The following FGF22 variants were observed in gnomAD, a reference collection of about 807,000 sequenced individuals.
The protein encoded by FGF22 is fibroblast growth factor 22, also known as FGF-22.
In FGF22, 11 loss-of-function variants were observed where a neutral mutation model predicts 10.3. That is an observed-to-expected ratio of 1.07 (90% confidence interval 0.67 to 1.77). The LOEUF (loss-of-function observed/expected upper bound fraction) is 1.77, where lower values mean the gene tolerates loss of function less well. Among genes scored for constraint, FGF22 ranks in the 40% most tolerant of loss-of-function variants. The pLI, the probability that FGF22 is intolerant of heterozygous loss-of-function variation, is 0.00. For missense variants in FGF22, 317 were observed against 273.2 expected, an observed-to-expected ratio of 1.16 and a Z score of -1.13; for synonymous variants, 136 against 122.1, an observed-to-expected ratio of 1.11 and a Z score of -0.75.
At chr19:640,055 C>T in exon 1 of FGF22, 3 of 1,416,402 alleles carry the variant, frequency 2.1e-6, no homozygotes, top group South Asian at 1.4e-5. Flanking sequence ...GCGCTGGCGG[C>T]GCCTCTTCTC....
At chr19:642,665 G>A in intron 1 of FGF22, among the ~76,000 whole-genome samples, 1 of 142,626 alleles carries the variant, frequency 7.0e-6, no homozygotes, top group African/African-American at 2.6e-5. Context: ...TGAGCTGTGA[G>A]GGCCGGGCTG....
intron 1 of FGF22, 183 bp downstream of exon 1, chr19:640,322 A>C: frequency 2.5e-6 from 1 of 401,724 alleles, no homozygotes; most frequent in Non-Finnish European, 4.3e-6. Flanking sequence ...TGCACTGTTA[A>C]AGCGAAGGCT....
chr19:641,962 C>G (rs1985915702), intron 1 of FGF22, among the ~76,000 whole-genome samples: 1 of 152,116 alleles, frequency 6.6e-6, no homozygotes, highest in South Asian at 2.1e-4. Context: ...CAGGGCTCAC[C>G]CAGGGCTACC....
chr19:640,248 T>C lies in FGF22; in HGVS notation c.214+109T>C, dbSNP rs549818693. The C allele has an allele frequency of 3.2e-5, 22 of 686,556 alleles. No homozygotes were observed. The South Asian group carries it at 1.1e-3, about 35-fold the overall frequency. 42.5% of individuals were successfully genotyped at this position (686,556 alleles called of 1,614,324 possible). A position where few individuals can be genotyped will look rare whatever the true frequency, so the allele number is the denominator to read the frequency against. On this transcript the variant is annotated intron_variant, in intron 1 of 2. Transcript: ENST00000215530. ...CGCGGGGGAGTCCCGGAGGCTCCTC[T>C]GTGCAGCCTCGGCCTCAGTTTCCGT...
At chr19:642,644 C>CCATA (rs2144744024) in intron 1 of FGF22, among the ~76,000 whole-genome samples, 1 of 95,408 alleles carries the variant, frequency 1.0e-5, no homozygotes, top group East Asian at 3.2e-4. Context: ...TGGGGGGTCT[C>CCATA]TGGGGTGGTG....
chr19:642,230 C>CT (rs1568184125), intron 1 of FGF22, among the ~76,000 whole-genome samples: 2 of 81,144 alleles, frequency 2.5e-5, no homozygotes, highest in African/African-American at 4.1e-5. Flanking sequence ...GCTGGGGGCT[C>CT]CATATGGGGT....
At chr19:643,872 G>A (rs1352475534) in exon 3 of FGF22, 2 of 402,044 alleles carry the variant, frequency 5.0e-6, no homozygotes, top group East Asian at 4.3e-5. Context: ...CGAGGGGGAC[G>A]TCCCAGGCAG....
At chr19:643,511 C>A (rs1425397173) in exon 3 of FGF22, 1 of 1,609,410 alleles carries the variant, frequency 6.2e-7, no homozygotes, top group Non-Finnish European at 8.5e-7. Flanking sequence ...AGCCCATGTT[C>A]CTGGCGCTGG....
chr19:641,780 A>T (rs1454375613), intron 1 of FGF22, among the ~76,000 whole-genome samples: 2 of 151,632 alleles, frequency 1.3e-5, no homozygotes, highest in Non-Finnish European at 2.9e-5. Flanking sequence ...TCGGGCTGGG[A>T]GGCTGCCCCG....
chr19:639,930 G>C, exon 1 of FGF22: 1 of 1,224,234 alleles, frequency 8.2e-7, no homozygotes, highest in Non-Finnish European at 1.0e-6. Context: ...CGGGTCATGC[G>C]CCGCCGCCTG....
chr19:640,781 C>T (rs1985872347), intron 1 of FGF22: 1 of 222,444 alleles, frequency 4.5e-6, no homozygotes. Flanking sequence ...ACCTGGAGGC[C>T]AGGGGAGTCG....
chr19:640,789 T>G, intron 1 of FGF22: 2 of 209,958 alleles, frequency 9.5e-6, no homozygotes, highest in South Asian at 1.3e-4. Flanking sequence ...GCCAGGGGAG[T>G]CGGTGTCCCC....
At chr19:643,893 A>G in exon 3 of FGF22, 1 of 138,968 alleles carries the variant, frequency 7.2e-6, no homozygotes, top group Non-Finnish European at 1.3e-5. Context: ...GGCCCGGCAG[A>G]GGCAGGGGCT....
exon 1 of FGF22, chr19:639,936 G>A (rs1985843861): frequency 8.1e-7 from 1 of 1,227,616 alleles, no homozygotes; most frequent in Admixed American, 4.3e-5. Context: ...ATGCGCCGCC[G>A]CCTGTGGCTG....
chr19:641,252 C>T lies in FGF22; in HGVS notation c.214+1113C>T, dbSNP rs530601114. The stretch of plus-strand genomic sequence containing the variant: ...AGCAGAGGCGCGCAGCAGTTAGACA[C>T]GTGAACAAGGGCGCAGGTGGGTGCA... On this transcript the variant is annotated intron_variant, in intron 1 of 2. Coordinates refer to ENST00000215530, the Ensembl canonical transcript of FGF22. The T allele has an allele frequency of 1.8e-5, 8 of 456,086 alleles. No homozygotes were observed. The East Asian group carries it at 3.5e-4, about 20-fold the overall frequency. The allele number at this position is 456,086 out of a possible 1,614,324, so 28.3% of individuals were successfully genotyped here.
intron 1 of FGF22, chr19:640,360 A>G (rs1985861669): frequency 2.7e-6 from 1 of 368,876 alleles, no homozygotes. Flanking sequence ...TCAGGGGCAG[A>G]GAAGCGTCCG....
chr19:644,354 T>C (rs1986014615), exon 3 of FGF22: 1 of 152,180 alleles, frequency 6.6e-6, no homozygotes, highest in Non-Finnish European at 1.5e-5. Context: ...CGCCAGAAAA[T>C]AAACGTAGTA....
chr19:643,338 G>A (rs377149140), exon 2 of FGF22: 103 of 1,609,012 alleles, frequency 6.4e-5, no homozygotes, highest in Middle Eastern at 1.7e-4. Flanking sequence ...TCTACGGGTC[G>A]GTGAGTGCCG....
At chr19:641,097 G>C (rs1985883293) in intron 1 of FGF22, 1 of 445,346 alleles carries the variant, frequency 2.2e-6, no homozygotes. Flanking sequence ...GGTGATGGGG[G>C]TGAGGGCTAG....
Sources: allele counts gnomAD v4.1 joint callset (sites outside exome capture counted in the v4.1 genomes callset), GRCh38; gene constraint gnomAD v4.1.1; transcripts MANE v1.5; gene names NCBI Gene and HGNC (gene_info 2026-07-23, HGNC 2026-07-21).